The following SLC20A2 variants were observed in gnomAD, a reference collection of about 807,000 sequenced individuals.
SLC20A2 encodes the protein solute carrier family 20 member 2.
Under a neutral mutation model 61.0 loss-of-function variants are expected in SLC20A2, and 30 were observed. That is an observed-to-expected ratio of 0.49 (90% CI 0.37 to 0.67). The LOEUF (loss-of-function observed/expected upper bound fraction) is 0.67, where lower values mean the gene tolerates loss of function less well. Ranked by LOEUF, SLC20A2 falls within the 30% of genes least tolerant of loss-of-function variation. The probability of loss-of-function intolerance (pLI) is 0.00; values close to 1 mark genes in which losing one functional copy is unlikely to be tolerated. For missense variants in SLC20A2, 626 were observed against 866.4 expected, an observed-to-expected ratio of 0.72 and a Z score of 3.48; for synonymous variants, 351 against 353.3, an observed-to-expected ratio of 0.99 and a Z score of 0.07.
At chr8:42,462,042 G>A (rs1041201544) in intron 4 of SLC20A2, among the ~76,000 whole-genome samples, 1 of 152,138 alleles carries the variant, frequency 6.6e-6, no homozygotes, top group African/African-American at 2.4e-5. Context: ...GGTGGACTGT[G>A]GCCGGAGCTC....
chr8:42,430,292 C>T (rs146703812), intron 8 of SLC20A2, 43 bp from the exon 9 acceptor site: 74 of 1,522,030 alleles, frequency 4.9e-5, no homozygotes, highest in Admixed American at 4.0e-4. Flanking sequence ...TATATGCAAG[C>T]GGCAATGTAC....
At chr8:42,484,909 C>T in intron 1 of SLC20A2, 1 of 414,246 alleles carries the variant, frequency 2.4e-6, no homozygotes, top group Non-Finnish European at 4.8e-6. Context: ...GGCCCTGAGA[C>T]AGCAGCAGCA....
In SLC20A2 at chr8:42,417,530, A is replaced by C. The variant is rs565098934; in HGVS notation, c.*273T>G. On this transcript the variant is annotated 3_prime_UTR_variant, in exon 11 of 11. Transcript: ENST00000520262. ...GCTGCCTATTCTATGGATACAATAG[A>C]TATTTAATATATAAGTAACTGCACC... is the stretch of plus-strand genomic sequence containing the variant. 7 of 250,058 alleles carry C rather than the reference A, an allele frequency of 2.8e-5. No individual in the cohort carries two copies. Among genetic ancestry groups the C allele is most frequent in the African/African-American group, 1.5e-4 (7 of 46,504 alleles). The allele number at this position is 250,058 out of a possible 1,614,324, so 15.5% of individuals were successfully genotyped here.
chr8:42,470,355 C>A (rs1807528598), intron 2 of SLC20A2, among the ~76,000 whole-genome samples: 2 of 151,782 alleles, frequency 1.3e-5, no homozygotes, highest in Non-Finnish European at 2.9e-5. Flanking sequence ...GCAGCTAGGA[C>A]TACAGGCATG....
At chr8:42,478,134 T>G (rs1489490653) in intron 1 of SLC20A2, among the ~76,000 whole-genome samples, 3 of 151,708 alleles carry the variant, frequency 2.0e-5, no homozygotes, top group Non-Finnish European at 4.4e-5. Flanking sequence ...TCAACCCGCC[T>G]CGGCCTCTCA....
intron 1 of SLC20A2, among the ~76,000 whole-genome samples, chr8:42,495,321 A>G (rs2131328733): frequency 6.6e-6 from 1 of 152,304 alleles, no homozygotes; most frequent in East Asian, 1.9e-4. Flanking sequence ...ACCAAATTAA[A>G]CAGACACTTG....
intron 1 of SLC20A2, among the ~76,000 whole-genome samples, chr8:42,533,812 C>T (rs1006239586): frequency 9.3e-5 from 14 of 151,318 alleles, no homozygotes; most frequent in Non-Finnish European, 1.9e-4. Flanking sequence ...GCGTGCACCA[C>T]CATGCCCGGC....
intron 5 of SLC20A2, among the ~76,000 whole-genome samples, chr8:42,445,524 G>C (rs1338780203): frequency 6.6e-6 from 1 of 152,006 alleles, no homozygotes; most frequent in Non-Finnish European, 1.5e-5. Flanking sequence ...TCAGGAGTTT[G>C]AGACCAGCCT....
rs1211274033 is a variant in SLC20A2, at chr8:42,459,968, G to A, written c.541C>T (p.Arg181Trp). The change falls in exon 5 of 11, where the codon CGG becomes TGG. Residue 181 changes from arginine (R) to tryptophan (W), a missense_variant. Arg to Trp is a moderately radical substitution (Grantham distance 101). This residue lies in a region of SLC20A2 where 361 missense variants were observed against 422.3 expected (regional missense o/e 0.85). Coordinates refer to ENST00000520262, the MANE Select transcript of SLC20A2 (RefSeq NM_001257180.2). ...KKEDPVPNGL[R>W]ALPVFYAATI... Reference sequence around the variant, plus strand: ...GCAGCATAGAATACTGGGAGTGCCCGGAGGCCATTGGGAACAGGGTCTTCC... The same window carrying A: ...GCAGCATAGAATACTGGGAGTGCCCAGAGGCCATTGGGAACAGGGTCTTCC... 9.3e-6 allele frequency: 15 copies of A among 1,611,934 alleles called. No homozygotes were observed. Among genetic ancestry groups the A allele is most frequent in the African/African-American group, 2.7e-5 (2 of 74,984 alleles).
At chr8:42,423,131 C>T (rs1481737037) in intron 10 of SLC20A2, among the ~76,000 whole-genome samples, 2 of 152,026 alleles carry the variant, frequency 1.3e-5, no homozygotes, top group African/African-American at 4.8e-5. Context: ...TGTTTGTATC[C>T]ACCCACAGAC....
chr8:42,485,799 G>A (rs1028981260), intron 1 of SLC20A2, among the ~76,000 whole-genome samples: 1 of 151,528 alleles, frequency 6.6e-6, no homozygotes, highest in African/African-American at 2.4e-5. Context: ...TACAAAAATT[G>A]GCTGGGCATG....
intron 8 of SLC20A2, among the ~76,000 whole-genome samples, chr8:42,435,945 G>A (rs1458596338): frequency 3.3e-5 from 5 of 152,102 alleles, no homozygotes; most frequent in East Asian, 3.9e-4. Context: ...GGGAAACCCC[G>A]TCTCTACTAG....
intron 6 of SLC20A2, among the ~76,000 whole-genome samples, chr8:42,440,372 TAAATA>T (rs1377273990): frequency 6.6e-6 from 1 of 152,138 alleles, no homozygotes; most frequent in Non-Finnish European, 1.5e-5. Context: ...GAAAGTCACA[TAAATA>T]AAATAATAAA....
chr8:42,444,473 A>G lies in SLC20A2; in HGVS notation c.730+173T>C, dbSNP rs7830608. Among the ~76,000 whole-genome samples, 7,450 of 152,252 alleles carry G rather than the reference A, an allele frequency of 0.049. 552 individuals carry two copies. Among genetic ancestry groups the G allele is most frequent in the African/African-American group, 0.16 (6,751 of 41,508 alleles). On this transcript the variant is annotated intron_variant, in intron 6 of 10. Transcript: ENST00000520262. The stretch of plus-strand genomic sequence containing the variant: ...CTGCCCACCTGGGTTACAACTTATC[A>G]AGAAAACGTATGAGCCAGAAAGCAC...
chr8:42,524,584 G>C (rs879706126), intron 1 of SLC20A2, among the ~76,000 whole-genome samples: 1 of 151,958 alleles, frequency 6.6e-6, no homozygotes, highest in Non-Finnish European at 1.5e-5. Flanking sequence ...TCAGGAGTTC[G>C]AGACCAGCCT....
chr8:42,432,268 A>G (rs958606506), intron 8 of SLC20A2, among the ~76,000 whole-genome samples: 7 of 152,250 alleles, frequency 4.6e-5, no homozygotes, highest in Non-Finnish European at 8.8e-5. Context: ...GAGGGATTCA[A>G]AACTTAAATG....
intron 10 of SLC20A2, 24 bp downstream of exon 10, chr8:42,428,734 G>T (rs375202469): frequency 1.2e-5 from 19 of 1,601,468 alleles, no homozygotes; most frequent in Non-Finnish European, 1.4e-5. Flanking sequence ...CCTGGGGAAG[G>T]GCTCCCGGCT....
intron 1 of SLC20A2, among the ~76,000 whole-genome samples, chr8:42,528,964 GCCT>G (rs1554577013): frequency 2.0e-5 from 2 of 99,958 alleles, no homozygotes; most frequent in African/African-American, 9.5e-5. Flanking sequence ...ACCGAGCCCG[GCCT>G]ATTATTATTA....
chr8:42,470,125 C>T (rs1047394644), intron 2 of SLC20A2, among the ~76,000 whole-genome samples: 9 of 151,564 alleles, frequency 5.9e-5, no homozygotes, highest in African/African-American at 2.2e-4. Flanking sequence ...TCCATTATAT[C>T]TGACTATGCT....
Sources: gnomAD v4.1 joint callset for allele counts (sites outside exome capture counted in the v4.1 genomes callset) on GRCh38, gnomAD v4.1.1 for gene constraint, gnomAD v4.1.1 regional missense constraint, MANE v1.5 for transcripts, NCBI Gene and HGNC (gene_info 2026-07-23, HGNC 2026-07-21) for gene names.